Variants in MAP3K20 observed in about 807,000 individuals in gnomAD.
MAP3K20 encodes the protein mitogen-activated protein kinase kinase kinase 20, also known as HCCS-4.
In MAP3K20, 40 loss-of-function variants were observed where a neutral mutation model predicts 85.7. That is an observed-to-expected ratio of 0.47 (90% CI 0.36 to 0.61). MAP3K20 has a LOEUF of 0.61. MAP3K20 is among the 20% of genes least tolerant of loss of function. The pLI is 0.00. For missense variants in MAP3K20, 817 were observed against 961.7 expected, an observed-to-expected ratio of 0.85 and a Z score of 1.99; for synonymous variants, 325 against 327.7, an observed-to-expected ratio of 0.99 and a Z score of 0.09.
Position 173,085,362 on chromosome 2 carries a change from A to G in MAP3K20, c.-34-5636A>G, listed in dbSNP as rs186358353. The stretch of plus-strand genomic sequence containing the variant: ...ACTTAAGTCTATTTTTTTGGACTAG[A>G]AGATTGAAAACTTTAAAAAGTAAAA... On this transcript the variant is annotated intron_variant, in intron 1 of 19. Transcript: ENST00000375213. Among the ~76,000 whole-genome samples the G allele has an allele frequency of 1.5e-3, 233 of 152,332 alleles. 1 individual carries two copies. The highest frequency in any genetic ancestry group is 5.1e-3 in the African/African-American group (212 of 41,594).
At chr2:173,206,750 T>C (rs550267419) in intron 9 of MAP3K20, among the ~76,000 whole-genome samples, 1 of 152,274 alleles carries the variant, frequency 6.6e-6, no homozygotes, top group African/African-American at 2.4e-5. Flanking sequence ...GTTACATGTA[T>C]TTGCCTATTG....
intron 3 of MAP3K20, among the ~76,000 whole-genome samples, 185 bp from the exon 4 acceptor site, chr2:173,182,667 CTT>C (rs1465919766): frequency 6.6e-6 from 1 of 152,094 alleles, no homozygotes; most frequent in Non-Finnish European, 1.5e-5. Context: ...AAGTTACTGT[CTT>C]TTGTTTGACA....
intron 2 of MAP3K20, among the ~76,000 whole-genome samples, chr2:173,144,693 A>T (rs530930361): frequency 2.6e-5 from 4 of 151,754 alleles, no homozygotes. Flanking sequence ...GCAAGACCCT[A>T]TCTCAAACAA....
At chr2:173,182,218 G>A (rs1690351902) in intron 3 of MAP3K20, among the ~76,000 whole-genome samples, 1 of 152,228 alleles carries the variant, frequency 6.6e-6, no homozygotes, top group African/African-American at 2.4e-5. Context: ...GGGCTGGTGT[G>A]AGAGTGATGA....
intron 1 of MAP3K20, among the ~76,000 whole-genome samples, chr2:173,089,134 A>T: frequency 6.6e-6 from 1 of 152,032 alleles, no homozygotes; most frequent in Non-Finnish European, 1.5e-5. Context: ...TTATGGAGAA[A>T]TGTTGCCAGT....
intron 16 of MAP3K20, among the ~76,000 whole-genome samples, chr2:173,255,304 A>G (rs1685132382): frequency 6.6e-6 from 1 of 152,150 alleles, no homozygotes; most frequent in Non-Finnish European, 1.5e-5. Flanking sequence ...TATGGAGCTC[A>G]ACAAAATCAT....
chr2:173,231,577 A>G (rs1684524099), intron 12 of MAP3K20, among the ~76,000 whole-genome samples: 1 of 152,178 alleles, frequency 6.6e-6, no homozygotes, highest in Admixed American at 6.5e-5. Context: ...AAAATTCCAG[A>G]GTTGAGGGCT....
chr2:173,166,998 C>G (rs1423404636), intron 2 of MAP3K20, among the ~76,000 whole-genome samples: 1 of 149,606 alleles, frequency 6.7e-6, no homozygotes, highest in Non-Finnish European at 1.5e-5. Flanking sequence ...CTGCAAGCTC[C>G]GCCTCCCGGG....
chr2:173,091,102 G>C lies in MAP3K20; in HGVS notation c.71G>C (p.Gly24Ala), dbSNP rs201411802. 1.3e-5 allele frequency: 21 copies of C among 1,613,934 alleles called. No homozygotes were observed. Among genetic ancestry groups the C allele is most frequent in the Non-Finnish European group, 1.7e-5 (20 of 1,179,994 alleles). ...TTGCAGTTTTTTGAAAACTGCGGTG[G>C]AGGAAGTTTTGGGAGTGTTTATCGA... ...DDLQFFENCG[G>A]GSFGSVYRAK... Residue 24 changes from glycine to alanine, a missense_variant, in exon 2 of 20, where the codon GGA becomes GCA. Transcript: ENST00000375213.
chr2:173,238,912 T>C (rs573327347), intron 15 of MAP3K20, among the ~76,000 whole-genome samples: 1 of 152,350 alleles, frequency 6.6e-6, no homozygotes, highest in South Asian at 2.1e-4. Context: ...TTGCAATTCA[T>C]ACACAGAACT....
At chr2:173,256,757 A>AC (rs2106352456) in intron 16 of MAP3K20, among the ~76,000 whole-genome samples, 1 of 152,230 alleles carries the variant, frequency 6.6e-6, no homozygotes, top group South Asian at 2.1e-4. Context: ...TTATCCATCT[A>AC]CCCCTCCCTC....
chr2:173,080,737 C>T (rs1686991002), intron 1 of MAP3K20, among the ~76,000 whole-genome samples: 1 of 152,146 alleles, frequency 6.6e-6, no homozygotes. Flanking sequence ...CTGTCCTGTT[C>T]CCAAGTTATA....
At position 173,267,134 on chromosome 2, in the gene MAP3K20, T is replaced by A. The variant is rs1313236245; in HGVS notation, c.*384T>A. The A allele has an allele frequency of 6.4e-6, 1 of 157,400 alleles. No homozygotes were observed. The highest frequency in any genetic ancestry group is 1.8e-4 in the East Asian group (1 of 5,450). 9.8% of individuals were successfully genotyped at this position (157,400 alleles called of 1,614,324 possible). On this transcript the variant is annotated 3_prime_UTR_variant, in exon 20 of 20. Coordinates refer to ENST00000375213, the MANE Select transcript of MAP3K20 (RefSeq NM_016653.3). ...AAAAGATAAGATGAATGTTACTGATTTTTCCTTTTGGCTGAGGCTGCAATA... is the reference window on the plus strand; with the variant it reads ...AAAAGATAAGATGAATGTTACTGATATTTCCTTTTGGCTGAGGCTGCAATA...
intron 2 of MAP3K20, among the ~76,000 whole-genome samples, chr2:173,158,724 T>G (rs1166874570): frequency 1.3e-5 from 2 of 152,194 alleles, no homozygotes; most frequent in Non-Finnish European, 2.9e-5. Flanking sequence ...GACTTAGCAT[T>G]GGTGGAGCAA....
chr2:173,080,797 A>G (rs936737821), intron 1 of MAP3K20, among the ~76,000 whole-genome samples: 1 of 152,184 alleles, frequency 6.6e-6, no homozygotes, highest in African/African-American at 2.4e-5. Context: ...TGCTTTGAGT[A>G]TAAGTGTTTC....
chr2:173,095,589 A>C (rs1292187991), intron 2 of MAP3K20, among the ~76,000 whole-genome samples: 1 of 152,248 alleles, frequency 6.6e-6, no homozygotes, highest in Non-Finnish European at 1.5e-5. Context: ...ATGTATCAAG[A>C]ATCTTAAAAT....
At chr2:173,264,728 T>G (rs940933287) in intron 19 of MAP3K20, among the ~76,000 whole-genome samples, 2 of 151,980 alleles carry the variant, frequency 1.3e-5, no homozygotes. Flanking sequence ...TCCAGAGAAG[T>G]CAAGGCGAGG....
At chr2:173,172,192 A>G (rs1295343895) in intron 3 of MAP3K20, among the ~76,000 whole-genome samples, 1 of 152,186 alleles carries the variant, frequency 6.6e-6, no homozygotes, top group Non-Finnish European at 1.5e-5. Flanking sequence ...TAAGAGAGAA[A>G]CAAAGATAGG....
chr2:173,092,432 C>A (rs1687327669), intron 2 of MAP3K20, among the ~76,000 whole-genome samples: 1 of 152,164 alleles, frequency 6.6e-6, no homozygotes, highest in Admixed American at 6.5e-5. Flanking sequence ...CTGATCAATT[C>A]TTTAAGTCCT....
Sources: allele counts gnomAD v4.1 joint callset (sites outside exome capture counted in the v4.1 genomes callset), GRCh38; gene constraint gnomAD v4.1.1; transcripts MANE v1.5; gene names NCBI Gene and HGNC (gene_info 2026-07-23, HGNC 2026-07-21).